The following DPP6 variants were observed in gnomAD, a reference collection of about 807,000 sequenced individuals.
The protein encoded by DPP6 is A-type potassium channel modulatory protein DPP6.
DPP6 carries 69 observed loss-of-function variants against 122.6 expected under a neutral mutation model. That is an observed-to-expected ratio of 0.56 (90% CI 0.46 to 0.69). DPP6 has a LOEUF of 0.69. DPP6 is among the 30% of genes least tolerant of loss of function. DPP6 has a pLI of 0.00. For missense variants in DPP6, 928 were observed against 1,116.9 expected (o/e 0.83, Z 2.41); for synonymous variants, 418 against 433.1 (o/e 0.97, Z 0.43).
chr7:154,262,519 G>A (rs566377981), intron 1 of DPP6, among the ~76,000 whole-genome samples: 2 of 152,138 alleles, frequency 1.3e-5, no homozygotes, highest in East Asian at 3.9e-4. Context: ...CAGCCCAGCC[G>A]GCTCCTTGAT....
chr7:154,419,735 C>A (rs1383654932), intron 1 of DPP6, among the ~76,000 whole-genome samples: 4 of 152,174 alleles, frequency 2.6e-5, no homozygotes, highest in African/African-American at 9.7e-5. Flanking sequence ...AGTTTATGGG[C>A]TCTGGATCAT....
chr7:154,384,430 A>T (rs1586122038), intron 1 of DPP6, among the ~76,000 whole-genome samples: 1 of 152,078 alleles, frequency 6.6e-6, no homozygotes, highest in East Asian at 1.9e-4. Context: ...AATGAAAAGG[A>T]TGTGGGGAGT....
At chr7:153,979,159 ATTC>A (rs1450014992) in intron 1 of DPP6, among the ~76,000 whole-genome samples, 6 of 151,896 alleles carry the variant, frequency 4.0e-5, no homozygotes, top group African/African-American at 1.2e-4. Flanking sequence ...CACAATATTG[ATTC>A]TTCTTATCCA....
intron 19 of DPP6, among the ~76,000 whole-genome samples, chr7:154,873,340 G>A (rs142711216): frequency 1.4e-3 from 215 of 152,308 alleles, no homozygotes; most frequent in African/African-American, 4.5e-3. Flanking sequence ...CGCACGGGGA[G>A]GCAGTGCAGA....
intron 1 of DPP6, among the ~76,000 whole-genome samples, chr7:154,301,003 C>T (rs1174504664): frequency 2.0e-5 from 3 of 152,040 alleles, no homozygotes; most frequent in Non-Finnish European, 1.5e-5. Context: ...CACACACAGG[C>T]GATGTTATAT....
intron 5 of DPP6, among the ~76,000 whole-genome samples, chr7:154,623,806 A>G (rs1834892612): frequency 6.6e-6 from 1 of 152,276 alleles, no homozygotes; most frequent in Non-Finnish European, 1.5e-5. Flanking sequence ...ATAACTATGT[A>G]TAGCATTTAA....
chr7:154,553,771 A>C (rs1829809566), intron 4 of DPP6, among the ~76,000 whole-genome samples: 1 of 152,096 alleles, frequency 6.6e-6, no homozygotes, highest in Non-Finnish European at 1.5e-5. Context: ...GAAGGAAGCC[A>C]CCGCTTCAAA....
At chr7:154,686,457 G>A (rs1455100199) in intron 7 of DPP6, among the ~76,000 whole-genome samples, 6 of 150,170 alleles carry the variant, frequency 4.0e-5, no homozygotes, top group Non-Finnish European at 5.9e-5. Flanking sequence ...GATGTCTCCC[G>A]ATACAGCATC....
At chr7:153,768,780 G>A in the DPP6 span, among the ~76,000 whole-genome samples, 2 of 152,112 alleles carry the variant, frequency 1.3e-5, no homozygotes, top group Non-Finnish European at 2.9e-5. Context: ...TACCACCTAT[G>A]ACTACTTTTT....
intron 5 of DPP6, among the ~76,000 whole-genome samples, chr7:154,625,272 A>G (rs1305580847): frequency 6.6e-6 from 1 of 152,170 alleles, no homozygotes; most frequent in African/African-American, 2.4e-5. Flanking sequence ...CTTGCCAAGA[A>G]TAAACTAAGC....
chr7:154,564,689 A>G lies in DPP6; in HGVS notation c.553-2153A>G, dbSNP rs377162578. ...GAAAGAGCTCACTAGAAATGCTTAT[A>G]ATCTATCCTCATTATTCACAGCTTC... On this transcript the variant is annotated intron_variant, in intron 4 of 25. Transcript: ENST00000377770. Among the ~76,000 whole-genome samples the G allele has an allele frequency of 6.6e-4, 100 of 152,340 alleles. 2 individuals carry two copies. The South Asian group carries it at 0.021, about 31-fold the overall frequency.
intron 1 of DPP6, among the ~76,000 whole-genome samples, chr7:154,159,965 T>A (rs547557350): frequency 9.5e-4 from 145 of 152,208 alleles, no homozygotes; most frequent in Non-Finnish European, 2.6e-4. Context: ...GAAAGTTAGC[T>A]GGGTATGGTG....
the DPP6 span, among the ~76,000 whole-genome samples, chr7:153,813,474 C>T: frequency 6.8e-3 from 1,030 of 152,086 alleles, 13 homozygotes; most frequent in African/African-American, 0.024. Flanking sequence ...TGAATAGTGC[C>T]GCAATAAACA....
intron 7 of DPP6, among the ~76,000 whole-genome samples, chr7:154,682,403 C>T (rs533228678): frequency 1.2e-4 from 18 of 152,316 alleles, no homozygotes; most frequent in Admixed American, 4.6e-4. Flanking sequence ...ACTAGGACAC[C>T]GAGGTGATCG....
At chr7:153,837,862 T>TTTA in the DPP6 span, among the ~76,000 whole-genome samples, 2 of 146,620 alleles carry the variant, frequency 1.4e-5, no homozygotes, top group East Asian at 4.0e-4. Context: ...TTTTTTTTTT[T>TTTA]AGTAGAGATG....
intron 4 of DPP6, among the ~76,000 whole-genome samples, chr7:154,548,907 C>T (rs1279072303): frequency 2.0e-5 from 3 of 152,102 alleles, no homozygotes; most frequent in African/African-American, 4.8e-5. Flanking sequence ...TTCAGCAGTC[C>T]TTGAACATGG....
At position 154,570,263 on chromosome 7, in the gene DPP6, T is replaced by C. The variant is rs370819410; in HGVS notation, c.627+3347T>C. On this transcript the variant is annotated intron_variant, in intron 5 of 25. Transcript: ENST00000377770. ...CTGAGAATAAGAGTTGAAGGAAAGA[T>C]GTTTAAGTTTAATTTTTAGAATATG... Among the ~76,000 whole-genome samples the C allele has an allele frequency of 1.6e-4, 24 of 152,060 alleles. No individual in the cohort carries two copies. In the East Asian group the frequency reaches 3.3e-3, roughly 21 times the overall value.
At chr7:154,663,258 G>A (rs1249242493) in intron 6 of DPP6, among the ~76,000 whole-genome samples, 6 of 63,028 alleles carry the variant, frequency 9.5e-5, no homozygotes, top group East Asian at 5.6e-4. Context: ...ATGGCGTATT[G>A]GCCGTAGTGT....
intron 1 of DPP6, among the ~76,000 whole-genome samples, chr7:153,989,875 C>T (rs1285762559): frequency 6.6e-6 from 1 of 151,870 alleles, no homozygotes; most frequent in African/African-American, 2.4e-5. Flanking sequence ...CAAGGAGGCC[C>T]TGTCTCCAAT....
Sources: allele counts gnomAD v4.1 joint callset (sites outside exome capture counted in the v4.1 genomes callset), GRCh38; gene constraint gnomAD v4.1.1; transcripts MANE v1.5; gene names NCBI Gene and HGNC (gene_info 2026-07-23, HGNC 2026-07-21).